Variants in FADS6 observed in about 807,000 individuals in gnomAD.
The protein encoded by FADS6 is fatty acid desaturase 6.
In FADS6, 28 loss-of-function variants were observed where a neutral mutation model predicts 31.7. The ratio of observed to expected loss-of-function variants is 0.88; its 90% confidence interval spans 0.66 to 1.21. FADS6 has a LOEUF of 1.21. Among genes scored for constraint, FADS6 ranks in the 50% most tolerant of loss-of-function variants. FADS6 has a pLI of 0.00. For synonymous variants in FADS6, 191 were observed against 213.1 expected, an observed-to-expected ratio of 0.90 and a Z score of 0.90; for missense variants, 494 against 504.2, an observed-to-expected ratio of 0.98 and a Z score of 0.19.
intron 4 of FADS6, 137 bp downstream of exon 4, chr17:74,880,931 T>G (rs1223626516): frequency 3.4e-6 from 3 of 883,634 alleles, no homozygotes; most frequent in East Asian, 5.4e-5. Context: ...GAGGGCACAG[T>G]GTGATGAGAG....
intron 2 of FADS6, among the ~76,000 whole-genome samples, chr17:74,890,523 G>A (rs990476226): frequency 4.6e-5 from 7 of 152,180 alleles, no homozygotes; most frequent in African/African-American, 9.7e-5. Context: ...GACATGAAGC[G>A]GGAGCCAAGC....
At chr17:74,888,151 C>CGCGCGCGG (rs1345492319) in intron 2 of FADS6, among the ~76,000 whole-genome samples, 1 of 109,258 alleles carries the variant, frequency 9.2e-6, no homozygotes, top group Admixed American at 8.7e-5. Flanking sequence ...CACACACACA[C>CGCGCGCGG]ACACGCGCGC....
intron 3 of FADS6, among the ~76,000 whole-genome samples, chr17:74,882,283 A>C (rs2038578534): frequency 6.6e-6 from 1 of 152,110 alleles, no homozygotes; most frequent in Admixed American, 6.5e-5. Context: ...TTCACACCAT[A>C]CTTGAGGAGG....
At chr17:74,888,404 T>C (rs2038653793) in intron 2 of FADS6, among the ~76,000 whole-genome samples, 1 of 152,114 alleles carries the variant, frequency 6.6e-6, no homozygotes, top group Admixed American at 6.5e-5. Context: ...AATAAGAAGT[T>C]GTAGTTGAAC....
chr17:74,891,244 G>A (rs1173784033), intron 2 of FADS6, among the ~76,000 whole-genome samples: 1 of 151,144 alleles, frequency 6.6e-6, no homozygotes, highest in Non-Finnish European at 1.5e-5. Context: ...CACCACGTTG[G>A]TCATGCTGGT....
At chr17:74,881,924 A>G (rs1488348795) in intron 3 of FADS6, among the ~76,000 whole-genome samples, 4 of 151,574 alleles carry the variant, frequency 2.6e-5, no homozygotes, top group Non-Finnish European at 5.9e-5. Flanking sequence ...TTATTTGTGC[A>G]AGGCATCTGC....
At chr17:74,892,009 G>T (rs555815685) in intron 2 of FADS6, among the ~76,000 whole-genome samples, 1 of 152,300 alleles carries the variant, frequency 6.6e-6, no homozygotes, top group Admixed American at 6.5e-5. Flanking sequence ...CGTGCCCGAA[G>T]GTAAGAAGGC....
Position 74,882,528 on chromosome 17 carries a change from A to T in FADS6, c.592+2T>A, listed in dbSNP as rs373453144. 23 of 1,606,830 alleles carry T rather than the reference A, an allele frequency of 1.4e-5. 1 individual carries two copies. In the African/African-American group the frequency reaches 2.0e-4, roughly 14 times the overall value. The stretch of plus-strand genomic sequence containing the variant: ...TGCGGACCGGGCTCTCATGGCACTC[A>T]CCGACAGCCACCAGTGGAGTGGCGA... On this transcript the variant is annotated splice_donor_variant, in intron 3 of 5. Coordinates refer to ENST00000612771, the MANE Select transcript of FADS6 (RefSeq NM_178128.6). LOFTEE classifies it high-confidence loss of function.
At chr17:74,881,850 C>T (rs2038573405) in intron 3 of FADS6, among the ~76,000 whole-genome samples, 1 of 152,152 alleles carries the variant, frequency 6.6e-6, no homozygotes, top group African/African-American at 2.4e-5. Flanking sequence ...GCTGCCCCAT[C>T]ACCCCTGCCT....
intron 2 of FADS6, among the ~76,000 whole-genome samples, chr17:74,887,268 A>G (rs1355737077): frequency 6.6e-6 from 1 of 152,040 alleles, no homozygotes; most frequent in East Asian, 1.9e-4. Flanking sequence ...TTTGTTTTGT[A>G]GAGACAGGCT....
At chr17:74,885,315 T>A (rs1021284391) in intron 2 of FADS6, among the ~76,000 whole-genome samples, 2,998 of 67,612 alleles carry the variant, frequency 0.044, 63 homozygotes, top group South Asian at 0.12. Context: ...AAAAAAAAAA[T>A]AAATAAATAA....
intron 3 of FADS6, 21 bp downstream of exon 3, chr17:74,882,509 C>T: frequency 1.3e-6 from 2 of 1,597,120 alleles, no homozygotes; most frequent in Non-Finnish European, 1.7e-6. Context: ...ACACTGCGGA[C>T]CGGGCTCTCA....
In FADS6 at chr17:74,893,372, C is replaced by A; in HGVS notation, c.224G>T (p.Ser75Ile). 1 of 1,528,540 alleles carries A rather than the reference C, an allele frequency of 6.5e-7. No homozygotes were observed. The highest frequency in any genetic ancestry group is 1.2e-5 in the South Asian group (1 of 82,424). 94.7% of individuals were successfully genotyped at this position (1,528,540 alleles called of 1,614,324 possible). ...HGVDCAILAL[S>I]LFALPAGFLC... ...CTCACCTGCCGGCAAGGCGAAGAGG[C>A]TGAGCGCGAGGATGGCGCAGTCCAC... The change falls in exon 1 of 6, where the codon AGC (serine) becomes ATC (isoleucine). Residue 75 changes from serine to isoleucine, a missense_variant. Physicochemically the swap from Ser to Ile is moderately radical, Grantham distance 142 (BLOSUM62 -2). This residue lies in a region of FADS6 where 454 missense variants were observed against 438.5 expected (regional missense o/e 1.04). Coordinates refer to ENST00000612771, the MANE Select transcript of FADS6 (RefSeq NM_178128.6).
At chr17:74,879,626 C>G (rs571618147) in intron 4 of FADS6, 43 bp from the exon 5 acceptor site, 39 of 1,571,892 alleles carry the variant, frequency 2.5e-5, no homozygotes, top group Non-Finnish European at 3.4e-5. Context: ...CTGGACCTCC[C>G]CACCCCACTC....
At chr17:74,893,011 C>T (rs1598566956) in intron 1 of FADS6, among the ~76,000 whole-genome samples, 1 of 152,012 alleles carries the variant, frequency 6.6e-6, no homozygotes, top group East Asian at 1.9e-4. Context: ...TCCCCACTCA[C>T]CTAGGTCCCC....
chr17:74,883,506 C>A (rs2038594936), intron 2 of FADS6, among the ~76,000 whole-genome samples: 1 of 152,194 alleles, frequency 6.6e-6, no homozygotes, highest in Non-Finnish European at 1.5e-5. Flanking sequence ...CCAGTCACTG[C>A]AAGCCAGGAA....
Position 74,877,936 on chromosome 17 carries a change from C to T in FADS6, c.*395G>A, listed in dbSNP as rs930253741. The T allele has an allele frequency of 1.0e-6, 1 of 999,140 alleles. No homozygotes were observed. The highest frequency in any genetic ancestry group is 1.2e-6 in the Non-Finnish European group (1 of 839,440). The allele number at this position is 999,140 out of a possible 1,614,324, so 61.9% of individuals were successfully genotyped here. Reference sequence around the variant, plus strand: ...GGAGGTCCCAGCCGAGGGAGCTGACCCTGTTCTCTCTGTGCCCCCTGCTAT... The same window carrying T: ...GGAGGTCCCAGCCGAGGGAGCTGACTCTGTTCTCTCTGTGCCCCCTGCTAT... On this transcript the variant is annotated 3_prime_UTR_variant, in exon 6 of 6. Transcript: ENST00000612771.
At chr17:74,888,592 A>T (rs900394492) in intron 2 of FADS6, among the ~76,000 whole-genome samples, 4 of 152,104 alleles carry the variant, frequency 2.6e-5, no homozygotes, top group Non-Finnish European at 1.5e-5. Flanking sequence ...GAAGCCGATG[A>T]CATTCTCCTA....
downstream of FADS6, among the ~76,000 whole-genome samples, chr17:74,875,207 T>C (rs972019858): frequency 2.0e-5 from 3 of 152,252 alleles, no homozygotes; most frequent in South Asian, 6.2e-4. Context: ...CAGGACTTTT[T>C]TTCACTGTCT....
Sources: gnomAD v4.1 joint callset for allele counts (sites outside exome capture counted in the v4.1 genomes callset) on GRCh38, gnomAD v4.1.1 for gene constraint, gnomAD v4.1.1 regional missense constraint, MANE v1.5 for transcripts, NCBI Gene and HGNC (gene_info 2026-07-23, HGNC 2026-07-21) for gene names.